The following CEP72 variants were observed in gnomAD, a reference collection of about 807,000 sequenced individuals.
The protein encoded by CEP72 is centrosomal protein 72, also known as centrosomal protein of 72 kDa.
A neutral mutation model predicts 65.7 loss-of-function variants in CEP72; 78 were observed. The ratio of observed to expected loss-of-function variants is 1.19; its 90% CI spans 0.99 to 1.43. The LOEUF (loss-of-function observed/expected upper bound fraction) is 1.43. Among genes scored for constraint, CEP72 ranks in the 40% most tolerant of loss-of-function variants. The probability of loss-of-function intolerance (pLI) is 0.00; values close to 1 mark genes in which losing one functional copy is unlikely to be tolerated. For missense variants in CEP72, 914 were observed against 832.9 expected (o/e 1.10, Z -1.20); for synonymous variants, 358 against 351.7 (o/e 1.02, Z -0.20).
intron 1 of CEP72, among the ~76,000 whole-genome samples, chr5:618,548 G>A (rs557695332): frequency 5.3e-5 from 8 of 152,214 alleles, no homozygotes; most frequent in South Asian, 2.1e-4. Context: ...GGGCCACTGC[G>A]CTGGGATTTT....
At chr5:648,723 G>A (rs1195330596) in intron 11 of CEP72, among the ~76,000 whole-genome samples, 16 of 88,476 alleles carry the variant, frequency 1.8e-4, no homozygotes, top group Admixed American at 1.0e-3. Flanking sequence ...ACTGTGAGGC[G>A]TGACTGTGAG....
chr5:658,173 G>A (rs1739430851), downstream of CEP72, among the ~76,000 whole-genome samples: 1 of 152,218 alleles, frequency 6.6e-6, no homozygotes, highest in Non-Finnish European at 1.5e-5. Context: ...GGAGTACAGG[G>A]GTAGAGACCA....
intron 4 of CEP72, among the ~76,000 whole-genome samples, chr5:626,350 G>A (rs528795068): frequency 7.2e-5 from 11 of 152,310 alleles, no homozygotes; most frequent in African/African-American, 1.2e-4. Context: ...GCAGCCTTGC[G>A]CCTGCTGGCC....
chr5:639,309 C>A, intron 8 of CEP72, 85 bp downstream of exon 8: 1 of 1,443,160 alleles, frequency 6.9e-7, no homozygotes, highest in Non-Finnish European at 9.3e-7. Flanking sequence ...ACCTAGGAGT[C>A]ATCTCAGCCC....
intron 9 of CEP72, chr5:642,286 C>T: frequency 1.0e-6 from 1 of 984,128 alleles, no homozygotes; most frequent in Non-Finnish European, 1.2e-6. Context: ...CTCTGGAAGC[C>T]TCTGTATTTA....
chr5:648,186 G>A (rs1400454127), intron 11 of CEP72, among the ~76,000 whole-genome samples: 2 of 152,148 alleles, frequency 1.3e-5, no homozygotes, highest in Non-Finnish European at 2.9e-5. Context: ...ACCATGAGGT[G>A]TGACCACGAG....
intron 4 of CEP72, 70 bp from the exon 5 acceptor site, chr5:633,699 C>T: frequency 6.9e-7 from 1 of 1,457,182 alleles, no homozygotes; most frequent in Middle Eastern, 1.8e-4. Flanking sequence ...AATTTTCCTT[C>T]TCCTGGTCTG....
At chr5:672,685 G>A in the CEP72 span, among the ~76,000 whole-genome samples, 80 of 152,212 alleles carry the variant, frequency 5.3e-4, 1 homozygote, top group African/African-American at 1.6e-3. Context: ...TCGAGGAGGC[G>A]CTGGGAGATT....
chr5:668,411 C>CT (rs1441251206), downstream of CEP72, among the ~76,000 whole-genome samples: 19 of 103,754 alleles, frequency 1.8e-4, 5 homozygotes, highest in African/African-American at 8.0e-4. Flanking sequence ...GACAAGCACA[C>CT]AGAGAGGGGG....
rs1364786337 is a variant in CEP72, at chr5:620,091, T to C, written c.233T>C (p.Leu78Ser). The C allele has an allele frequency of 9.3e-6, 15 of 1,611,592 alleles. No individual in the cohort carries two copies. The highest frequency in any genetic ancestry group is 1.3e-5 in the Non-Finnish European group (15 of 1,177,700). ...CAGGGCATTCAGTACCTGACTGCAT[T>C]GGAGAGTCTCAATCTCTACTACAAC... ...SLEGIQYLTALESLNLYYNCI... is the reference protein window; with the variant it reads ...SLEGIQYLTASESLNLYYNCI... Residue 78 changes from leucine (L) to serine (S), a missense_variant, in exon 3 of 12, where the codon TTG becomes TCG. Coordinates refer to ENST00000264935, the MANE Select transcript of CEP72 (RefSeq NM_018140.4).
intron 1 of CEP72, 104 bp from the exon 2 acceptor site, chr5:618,886 A>T: frequency 2.3e-6 from 2 of 877,532 alleles, no homozygotes; most frequent in East Asian, 2.7e-5. Context: ...TTAAACCAAG[A>T]ATCTGTGTCA....
At position 647,867 on chromosome 5, in the gene CEP72, C is replaced by T. The variant is rs2126811441; in HGVS notation, c.1729C>T (p.His577Tyr). 1 of 1,612,544 alleles carries T rather than the reference C, an allele frequency of 6.2e-7. No homozygotes were observed. Among genetic ancestry groups the T allele is most frequent in the Non-Finnish European group, 8.5e-7 (1 of 1,179,916 alleles). Reference sequence around the variant, plus strand: ...TGTGGAACTGAAGCAGCACCTGGAGCACTACGACAAGATCCAGGAGCTCAC... The same window carrying T: ...TGTGGAACTGAAGCAGCACCTGGAGTACTACGACAAGATCCAGGAGCTCAC... Reference protein sequence around the residue: ...EIVELKQHLEHYDKIQELTQM... With the variant: ...EIVELKQHLEYYDKIQELTQM... The change falls in exon 11 of 12, where the codon CAC becomes TAC. Residue 577 changes from histidine (H) to tyrosine (Y), a missense_variant. By Grantham distance (83) the His-to-Tyr change is moderately conservative (BLOSUM62 2). Transcript: ENST00000264935.
downstream of CEP72, among the ~76,000 whole-genome samples, chr5:658,575 A>G (rs1038245325): frequency 2.0e-5 from 3 of 149,826 alleles, no homozygotes; most frequent in Non-Finnish European, 4.4e-5. Flanking sequence ...ACAAATAAAT[A>G]TGGGTTAAAA....
chr5:672,323 C>G, the CEP72 span, among the ~76,000 whole-genome samples: 1 of 152,216 alleles, frequency 6.6e-6, no homozygotes, highest in Admixed American at 6.5e-5. Context: ...TTCTAACCAG[C>G]GTCCAGGTAT....
At chr5:658,236 A>G (rs1739433750), downstream of CEP72, among the ~76,000 whole-genome samples, 1 of 152,184 alleles carries the variant, frequency 6.6e-6, no homozygotes, top group Admixed American at 6.5e-5. Flanking sequence ...CTGAGGACAC[A>G]CTCATCCAGG....
chr5:675,117 G>A, the CEP72 span, among the ~76,000 whole-genome samples: 4 of 133,180 alleles, frequency 3.0e-5, no homozygotes, highest in Non-Finnish European at 4.9e-5. Flanking sequence ...GCAGCACGGG[G>A]GGTACAGTGT....
intron 8 of CEP72, among the ~76,000 whole-genome samples, 169 bp downstream of exon 8, chr5:639,393 TCA>T (rs1737850270): frequency 4.6e-5 from 7 of 152,222 alleles, no homozygotes; most frequent in Admixed American, 4.6e-4. Context: ...TCTTTGCATC[TCA>T]CAGTGTCCAG....
chr5:653,257 C>G lies in CEP72; in HGVS notation c.*104C>G. 1 of 1,146,748 alleles carries G rather than the reference C, an allele frequency of 8.7e-7. No individual in the cohort carries two copies. The highest frequency in any genetic ancestry group is 1.2e-6 in the Non-Finnish European group (1 of 852,382). The allele number at this position is 1,146,748 out of a possible 1,614,324, so 71.0% of individuals were successfully genotyped here. A position where few individuals can be genotyped will look rare whatever the true frequency, so the allele number is the denominator to read the frequency against. On this transcript the variant is annotated 3_prime_UTR_variant, in exon 12 of 12. Coordinates refer to ENST00000264935, the MANE Select transcript of CEP72 (RefSeq NM_018140.4). ...GTGTACTGGCTGGCAAGAGTTCTCTCTTCTGTTGGTAATTATTTAGGATTT... is the reference window on the plus strand; with the variant it reads ...GTGTACTGGCTGGCAAGAGTTCTCTGTTCTGTTGGTAATTATTTAGGATTT...
rs1737822353 is a variant in CEP72, at chr5:639,103, A to T, written c.1221A>T (p.Ser407=). 3 of 1,613,320 alleles carry T rather than the reference A, an allele frequency of 1.9e-6. No homozygotes were observed. Among genetic ancestry groups the T allele is most frequent in the Non-Finnish European group, 2.5e-6 (3 of 1,179,874 alleles). ...TTCCATCACAGCCGTCTCCCGGGTC[A>T]CACTCGGCTCTACCCGGGAAGAAGA... ...VTDTREPSPG[S]HSALPGKKTA... Residue 407 remains serine, a synonymous_variant, in exon 8 of 12, where the codon TCA becomes TCT. Coordinates refer to ENST00000264935, the MANE Select transcript of CEP72 (RefSeq NM_018140.4).
Sources: gnomAD v4.1 joint callset for allele counts (sites outside exome capture counted in the v4.1 genomes callset) on GRCh38, gnomAD v4.1.1 for gene constraint, MANE v1.5 for transcripts, NCBI Gene and HGNC (gene_info 2026-07-23, HGNC 2026-07-21) for gene names.